Variants in SCNN1B observed in about 807,000 individuals in gnomAD.
SCNN1B encodes the protein epithelial sodium channel subunit beta.
SCNN1B carries 46 observed loss-of-function variants against 65.3 expected under a neutral mutation model. The observed-to-expected ratio is 0.70, with a 90% CI of 0.56 to 0.90. The LOEUF (loss-of-function observed/expected upper bound fraction) is 0.90. Among genes scored for constraint, SCNN1B ranks in the 40% least tolerant of loss-of-function variants. SCNN1B has a pLI of 0.00. For missense variants in SCNN1B, 751 were observed against 830.5 expected, an observed-to-expected ratio of 0.90 and a Z score of 1.18; for synonymous variants, 349 against 330.6, an observed-to-expected ratio of 1.06 and a Z score of -0.60.
rs1567290414 is a variant in SCNN1B at position 23,305,569 on chromosome 16, TATATATA to T, written c.-9+3133_-9+3139del. On this transcript the variant is annotated intron_variant, in intron 1 of 12. Transcript: ENST00000343070. ...ATATATATATATATATATATATATA[TATATATA>T]TTATATATATATATATATATATAAC... Among the ~76,000 whole-genome samples, 18 of 44,566 alleles carry T rather than the reference TATATATA, an allele frequency of 4.0e-4. 1 individual carries two copies. The highest frequency in any genetic ancestry group is 1.2e-3 in the African/African-American group (18 of 15,396). 29.2% of individuals were successfully genotyped at this position (44,566 alleles called of 152,430 possible).
Position 23,361,151 on chromosome 16 carries a change from A to G in SCNN1B, c.776+5662A>G, listed in dbSNP as rs536844589. 4.6e-5 allele frequency among the ~76,000 whole-genome samples: 7 copies of G among 152,262 alleles called. No individual in the cohort carries two copies. In the South Asian group the frequency reaches 1.2e-3, roughly 27 times the overall value. On this transcript the variant is annotated intron_variant, in intron 4 of 12. Coordinates refer to ENST00000343070, the MANE Select transcript of SCNN1B (RefSeq NM_000336.3). Reference sequence around the variant, plus strand: ...CACCATGTTTGCCAGGCTGGTCTCAAACTTCTGACCTCAGGTTATCTGCTG... The same window carrying G: ...CACCATGTTTGCCAGGCTGGTCTCAGACTTCTGACCTCAGGTTATCTGCTG...
At chr16:23,307,445 A>G (rs1961244411) in intron 1 of SCNN1B, among the ~76,000 whole-genome samples, 1 of 151,832 alleles carries the variant, frequency 6.6e-6, no homozygotes, top group African/African-American at 2.4e-5. Context: ...TCAGCCTCCC[A>G]AGTAGCTGGG....
rs72654321 is a variant in SCNN1B at position 23,348,780 on chromosome 16, G to A, written c.181G>A (p.Ala61Thr). 2.3e-4 allele frequency: 379 copies of A among 1,614,144 alleles called. 1 individual carries two copies. In the African/African-American group the frequency reaches 4.5e-3, roughly 19 times the overall value. Reference sequence around the variant, plus strand: ...GTTCCTGCTCACCCTGCTCTTCGCCGCCCTCGTCTGCTGGCAGTGGGGCAT... The same window carrying A: ...GTTCCTGCTCACCCTGCTCTTCGCCACCCTCGTCTGCTGGCAGTGGGGCAT... ...MWFLLTLLFAALVCWQWGIFI... is the reference protein window; with the variant it reads ...MWFLLTLLFATLVCWQWGIFI... The change falls in exon 2 of 13, where the codon GCC becomes ACC. Residue 61 changes from alanine (A) to threonine (T), a missense_variant. Ala to Thr is a moderately conservative substitution (Grantham distance 58). Transcript: ENST00000343070. This position sits in a 1 kb window ranked among gnomAD's most constrained non-coding sequence, Gnocchi z 4.5.
rs376443558 is a variant in SCNN1B at position 23,380,771 on chromosome 16, C to T, written c.1893C>T (p.Ile631=). Residue 631 remains isoleucine (I), a synonymous_variant, in exon 13 of 13, where the codon ATC becomes ATT. Coordinates refer to ENST00000343070, the MANE Select transcript of SCNN1B (RefSeq NM_000336.3). The surrounding 1 kb of genome is among the most constrained non-coding windows in gnomAD (Gnocchi z 5.4). ...DSLRLQPLDV[I]ESDSEGDAI ...TGCGTCTGCAGCCGCTGGACGTCAT[C>T]GAGTCTGACAGTGAGGGTGATGCCA... 1.5e-5 allele frequency: 24 copies of T among 1,612,510 alleles called. No individual in the cohort carries two copies. The Admixed American group carries it at 2.0e-4, about 13-fold the overall frequency.
In SCNN1B at chr16:23,308,594, G is replaced by A. The variant is rs184852870; in HGVS notation, c.-9+6157G>A. Among the ~76,000 whole-genome samples the A allele has an allele frequency of 6.6e-4, 100 of 152,044 alleles. 1 individual carries two copies. Among genetic ancestry groups the A allele is most frequent in the Non-Finnish European group, 1.3e-3 (87 of 68,012 alleles). ...ATCAGAGACTCTCAGAATGAGCCTT[G>A]CAATCTGTAATTTATTTTATTTTAT... On this transcript the variant is annotated intron_variant, in intron 1 of 12. Coordinates refer to ENST00000343070, the MANE Select transcript of SCNN1B (RefSeq NM_000336.3).
chr16:23,279,041 A>G (rs1202868540), intron 1 of SCNN1B, among the ~76,000 whole-genome samples: 1 of 151,536 alleles, frequency 6.6e-6, no homozygotes, highest in Non-Finnish European at 1.5e-5. Flanking sequence ...AAAAGCCTCC[A>G]AAGTCTTTGG....
intron 1 of SCNN1B, among the ~76,000 whole-genome samples, chr16:23,333,013 G>GA (rs1961847249): frequency 6.6e-6 from 1 of 151,816 alleles, no homozygotes. Flanking sequence ...AGAGGTTGCA[G>GA]TGAGCCAAAA....
Position 23,377,257 on chromosome 16 carries a change from G to A in SCNN1B, c.1346+17G>A, listed in dbSNP as rs765101012. On this transcript the variant is annotated intron_variant, in intron 9 of 12. Coordinates refer to ENST00000343070, the MANE Select transcript of SCNN1B (RefSeq NM_000336.3). ...GTCCTGCAAGTGAGTGCGGGTGGGCGGGCACAGCAGCGGGCAGGCATGGAG... is the reference window on the plus strand; with the variant it reads ...GTCCTGCAAGTGAGTGCGGGTGGGCAGGCACAGCAGCGGGCAGGCATGGAG... 2.1e-5 allele frequency: 34 copies of A among 1,613,994 alleles called. No individual in the cohort carries two copies. The Middle Eastern group carries it at 6.6e-4, about 31-fold the overall frequency.
In SCNN1B at chr16:23,380,845, C is replaced by A; in HGVS notation, c.*44C>A. On this transcript the variant is annotated 3_prime_UTR_variant, in exon 13 of 13. Transcript: ENST00000343070. This position sits in a 1 kb window ranked among gnomAD's most constrained non-coding sequence, Gnocchi z 5.4. The stretch of plus-strand genomic sequence containing the variant: ...CGGGCGGCTGAAACTCACTGAGCAG[C>A]CAAGACTGTTGCCCGAGGCCTCACT... 6.2e-7 allele frequency: 1 copy of A among 1,608,056 alleles called. No individual in the cohort carries two copies. The highest frequency in any genetic ancestry group is 8.5e-7 in the Non-Finnish European group (1 of 1,177,106).
chr16:23,293,911 G>A (rs1444296467), intron 2 of SCNN1B, among the ~76,000 whole-genome samples: 1 of 152,060 alleles, frequency 6.6e-6, no homozygotes, highest in African/African-American at 2.4e-5. Context: ...GCAACAGAGT[G>A]AAACCCTGTC....
chr16:23,305,869 T>G (rs971387764), intron 1 of SCNN1B, among the ~76,000 whole-genome samples: 1 of 151,746 alleles, frequency 6.6e-6, no homozygotes, highest in Admixed American at 6.6e-5. Context: ...CACCCCTCAT[T>G]CATAAAGAGC....
At chr16:23,336,420 G>A (rs1961942098) in intron 1 of SCNN1B, among the ~76,000 whole-genome samples, 2 of 150,196 alleles carry the variant, frequency 1.3e-5, no homozygotes, top group South Asian at 2.1e-4. Context: ...TCGCCAGGCT[G>A]GAGTGCAGGG....
intron 5 of SCNN1B, among the ~76,000 whole-genome samples, chr16:23,368,315 G>GCT (rs1335978747): frequency 6.6e-6 from 1 of 152,156 alleles, no homozygotes; most frequent in Non-Finnish European, 1.5e-5. Context: ...GAGGCAGGAG[G>GCT]ATTGTTCAAG....
At chr16:23,368,741 CT>C (rs1962723634) in intron 5 of SCNN1B, among the ~76,000 whole-genome samples, 2 of 152,134 alleles carry the variant, frequency 1.3e-5, no homozygotes, top group South Asian at 4.1e-4. Context: ...TCCATATATG[CT>C]GAGTATTCTG....
chr16:23,348,985 T>TTTCCTTTCC lies in SCNN1B; in HGVS notation c.311+91_311+99dup, dbSNP rs1036275539. 8.1e-6 allele frequency: 10 copies of TTTCCTTTCC among 1,235,062 alleles called. No homozygotes were observed. The highest frequency in any genetic ancestry group is 5.1e-5 in the Admixed American group (3 of 58,594). The allele number at this position is 1,235,062 out of a possible 1,614,324, so 76.5% of individuals were successfully genotyped here. ...TTTCTCTCTTTTCTTCCCTTCTACCTTTCCTTTCCTTCCTTTCCTTCCTTC... is the reference window on the plus strand; with the variant it reads ...TTTCTCTCTTTTCTTCCCTTCTACCTTTCCTTTCCTTCCTTTCCTTCCTTTCCTTCCTTC... On this transcript the variant is annotated intron_variant, in intron 2 of 12. Transcript: ENST00000343070. The surrounding 1 kb of genome is among the most constrained non-coding windows in gnomAD (Gnocchi z 4.5).
chr16:23,372,837 C>T (rs540740042), intron 7 of SCNN1B, among the ~76,000 whole-genome samples: 9 of 150,550 alleles, frequency 6.0e-5, no homozygotes, highest in South Asian at 2.1e-4. Context: ...TGGTGGCTCA[C>T]GCCTGTAATC....
intron 2 of SCNN1B, among the ~76,000 whole-genome samples, chr16:23,351,049 T>G (rs1046927979): frequency 1.3e-5 from 2 of 152,208 alleles, no homozygotes; most frequent in African/African-American, 2.4e-5. Context: ...AAGGTCAGCA[T>G]GGCCAACATG....
chr16:23,279,107 G>A (rs1960748446), intron 1 of SCNN1B, among the ~76,000 whole-genome samples: 1 of 150,846 alleles, frequency 6.6e-6, no homozygotes, highest in African/African-American at 2.4e-5. Flanking sequence ...GATGGGGGCT[G>A]ACTCTGTCAC....
At chr16:23,308,445 C>T (rs1240474107) in intron 1 of SCNN1B, among the ~76,000 whole-genome samples, 3 of 152,080 alleles carry the variant, frequency 2.0e-5, no homozygotes, top group Non-Finnish European at 4.4e-5. Context: ...GTTGCTTGAG[C>T]TCAGGAGTTT....
Sources: gnomAD v4.1 joint callset for allele counts (sites outside exome capture counted in the v4.1 genomes callset) on GRCh38, gnomAD v4.1.1 for gene constraint, Gnocchi (gnomAD v3.1) non-coding constraint, MANE v1.5 for transcripts, NCBI Gene and HGNC (gene_info 2026-07-23, HGNC 2026-07-21) for gene names.